KIAA2012: variants seen among roughly 807,000 people sequenced by gnomAD.
KIAA2012 encodes the protein uncharacterized protein KIAA2012.
A neutral mutation model predicts 150.6 loss-of-function variants in KIAA2012; 125 were observed. That is an observed-to-expected ratio of 0.83 (90% confidence interval 0.72 to 0.96). KIAA2012 has a LOEUF of 0.96. KIAA2012 is among the 40% of genes least tolerant of loss of function. The probability of loss-of-function intolerance (pLI) is 0.00; values close to 1 mark genes in which losing one functional copy is unlikely to be tolerated. For missense variants in KIAA2012, 1,219 were observed against 1,354.9 expected (o/e 0.90, Z 1.57); for synonymous variants, 462 against 504.7 (o/e 0.92, Z 1.13).
At chr2:202,075,208 G>A in intron 2 of KIAA2012, 33 bp downstream of exon 2, 1 of 1,497,836 alleles carries the variant, frequency 6.7e-7, no homozygotes, top group South Asian at 1.3e-5. Context: ...TTTGGGGAAG[G>A]TGCTGGTAGC....
chr2:202,194,551 A>G (rs1307266199), intron 21 of KIAA2012, among the ~76,000 whole-genome samples, 189 bp downstream of exon 21: 1 of 152,222 alleles, frequency 6.6e-6, no homozygotes, highest in Non-Finnish European at 1.5e-5. Context: ...TAAGAAAGTA[A>G]TGACTTGCTT....
intron 9 of KIAA2012, among the ~76,000 whole-genome samples, chr2:202,109,375 C>T (rs925382445): frequency 3.3e-5 from 5 of 152,136 alleles, no homozygotes; most frequent in East Asian, 1.9e-4. Flanking sequence ...TTTTGGCCAC[C>T]GGAGATATCA....
chr2:202,140,289 T>C (rs1041789929), intron 13 of KIAA2012, among the ~76,000 whole-genome samples: 1 of 152,152 alleles, frequency 6.6e-6, no homozygotes, highest in African/African-American at 2.4e-5. Flanking sequence ...TTGTTAACTT[T>C]GTAGTCAGAA....
chr2:202,156,963 C>G (rs895475860), intron 14 of KIAA2012, among the ~76,000 whole-genome samples: 4 of 152,118 alleles, frequency 2.6e-5, no homozygotes, highest in African/African-American at 9.7e-5. Flanking sequence ...TATTTAGTAT[C>G]CACAATGCTT....
intron 11 of KIAA2012, 145 bp from the exon 12 acceptor site, chr2:202,125,069 C>CA (rs1559212858): frequency 4.4e-6 from 3 of 676,732 alleles, no homozygotes; most frequent in Non-Finnish European, 7.5e-6. Flanking sequence ...GACTCCATCT[C>CA]AAAAATTTAA....
intron 9 of KIAA2012, among the ~76,000 whole-genome samples, chr2:202,109,189 C>G (rs1690279792): frequency 6.6e-6 from 1 of 152,238 alleles, no homozygotes; most frequent in Admixed American, 6.5e-5. Flanking sequence ...AAGCTGGGAT[C>G]TCCCTAGTCA....
chr2:202,177,588 T>C (rs1271579037), intron 15 of KIAA2012, among the ~76,000 whole-genome samples: 1 of 152,192 alleles, frequency 6.6e-6, no homozygotes, highest in Non-Finnish European at 1.5e-5. Context: ...GGTCTCTCTA[T>C]GTTGCCCAGG....
intron 13 of KIAA2012, among the ~76,000 whole-genome samples, chr2:202,147,044 T>G (rs1376065710): frequency 6.6e-6 from 1 of 152,176 alleles, no homozygotes; most frequent in Non-Finnish European, 1.5e-5. Flanking sequence ...AAAGCCATTA[T>G]AAAACAGAAC....
chr2:202,103,533 T>C (rs1240464622), intron 8 of KIAA2012, among the ~76,000 whole-genome samples: 1 of 151,952 alleles, frequency 6.6e-6, no homozygotes, highest in Non-Finnish European at 1.5e-5. Context: ...ATCAGACATC[T>C]GAGATGAATT....
rs1449121024 is a variant in KIAA2012, at chr2:202,105,904, C to A, written c.1468C>A (p.Pro490Thr). 6.4e-7 allele frequency: 1 copy of A among 1,550,956 alleles called. No individual in the cohort carries two copies. Residue 490 changes from proline to threonine, a missense_variant, in exon 9 of 24, where the codon CCT becomes ACT. Pro to Thr is a conservative substitution (Grantham distance 38, BLOSUM62 -1). Coordinates refer to ENST00000498697, the MANE Select transcript of KIAA2012 (RefSeq NM_001277372.4). ...GGACGCGAGCAGGGACACACTCTCA[C>A]CTCAAGGTAGCTCCTCCCTCCCTCC... is the stretch of plus-strand genomic sequence containing the variant. ...PVDASRDTLS[P>T]QDDDAPPHDV... is the part of the protein sequence containing the mutation.
chr2:202,156,702 G>T (rs189018860), intron 14 of KIAA2012, among the ~76,000 whole-genome samples: 1 of 152,134 alleles, frequency 6.6e-6, no homozygotes, highest in Non-Finnish European at 1.5e-5. Flanking sequence ...TGGCTAACAC[G>T]GTGAAACCCC....
intron 15 of KIAA2012, among the ~76,000 whole-genome samples, chr2:202,177,616 G>A (rs776860223): frequency 6.6e-6 from 1 of 151,996 alleles, no homozygotes; most frequent in Admixed American, 6.6e-5. Context: ...TGAATTCCTG[G>A]ACTCACACTA....
At chr2:202,178,204 A>C in intron 15 of KIAA2012, among the ~76,000 whole-genome samples, 2 of 149,902 alleles carry the variant, frequency 1.3e-5, no homozygotes, top group South Asian at 4.1e-4. Context: ...GTCTCAGAAA[A>C]AGAAAGAAAG....
At chr2:202,140,227 C>CA (rs982434510) in intron 13 of KIAA2012, among the ~76,000 whole-genome samples, 13 of 150,628 alleles carry the variant, frequency 8.6e-5, no homozygotes, top group African/African-American at 2.2e-4. Context: ...GACTCCGTCT[C>CA]AAAAAAAAAG....
chr2:202,169,966 G>A (rs1191768692), intron 15 of KIAA2012, among the ~76,000 whole-genome samples: 4 of 152,288 alleles, frequency 2.6e-5, no homozygotes, highest in East Asian at 3.9e-4. Flanking sequence ...TGCTCTGGCC[G>A]TCTATGAGTC....
chr2:202,187,163 C>T (rs6722588), intron 17 of KIAA2012, 65 bp downstream of exon 17: 1,329,642 of 1,510,262 alleles, frequency 0.88, 586,294 homozygotes, highest in East Asian at 0.91. Flanking sequence ...GGATACCATG[C>T]ACAGTTGTAT....
At position 202,139,098 on chromosome 2, in the gene KIAA2012, G is replaced by A. The variant is rs375763016; in HGVS notation, c.1908+590G>A. Among the ~76,000 whole-genome samples the A allele has an allele frequency of 6.2e-4, 95 of 152,024 alleles. 1 individual carries two copies. The South Asian group carries it at 0.018, about 29-fold the overall frequency. ...TCTACTAAAAATACAAAAATTAGCC[G>A]GGTGTGGTGGCATGCACCTGTGGTC... On this transcript the variant is annotated intron_variant, in intron 13 of 23. Transcript: ENST00000498697.
rs1559204732 is a variant in KIAA2012 at position 202,102,989 on chromosome 2, C to T, written c.1199C>T (p.Pro400Leu). Residue 400 changes from proline to leucine, a missense_variant, in exon 8 of 24, where the codon CCC becomes CTC. Pro to Leu is a moderately conservative substitution (Grantham distance 98, BLOSUM62 -3). Coordinates refer to ENST00000498697, the MANE Select transcript of KIAA2012 (RefSeq NM_001277372.4). ...LKLPPISEEP[P>L]RVLEPLKSQF... Reference sequence around the variant, plus strand: ...TTACCTCCTATCTCAGAAGAACCACCCAGAGTCTTGGAGCCCCTGAAGAGC... The same window carrying T: ...TTACCTCCTATCTCAGAAGAACCACTCAGAGTCTTGGAGCCCCTGAAGAGC... The T allele has an allele frequency of 1.9e-6, 3 of 1,550,440 alleles. No individual in the cohort carries two copies. The African/African-American group carries it at 4.1e-5, about 21-fold the overall frequency.
At chr2:202,086,449 A>G (rs1418412801) in intron 2 of KIAA2012, among the ~76,000 whole-genome samples, 1 of 152,196 alleles carries the variant, frequency 6.6e-6, no homozygotes, top group Non-Finnish European at 1.5e-5. Flanking sequence ...AAAGTACCCA[A>G]CAAATATTTA....
Sources: gnomAD v4.1 joint callset for allele counts (sites outside exome capture counted in the v4.1 genomes callset) on GRCh38, gnomAD v4.1.1 for gene constraint, MANE v1.5 for transcripts, NCBI Gene and HGNC (gene_info 2026-07-23, HGNC 2026-07-21) for gene names.